TJP2: variants seen among roughly 807,000 people sequenced by gnomAD.
TJP2 encodes Friedreich ataxia region gene X104 (tight junction protein ZO-2).
In TJP2, 91 loss-of-function variants were observed where a neutral mutation model predicts 133.1. The ratio of observed to expected loss-of-function variants is 0.68; its 90% CI spans 0.58 to 0.81. TJP2 has a LOEUF of 0.81. Among genes scored for constraint, TJP2 ranks in the 40% least tolerant of loss-of-function variants. The pLI is 0.00. For missense variants in TJP2, 1,541 were observed against 1,565.6 expected (o/e 0.98, Z 0.26); for synonymous variants, 592 against 583.4 (o/e 1.01, Z -0.21).
At chr9:69,187,818 GGAAGGTGAAAGGAAGAGAAGGGA>G (rs1203169388) in intron 1 of TJP2, among the ~76,000 whole-genome samples, 6 of 152,108 alleles carry the variant, frequency 3.9e-5, no homozygotes, top group Non-Finnish European at 8.8e-5. Context: ...AGTAAATAGG[GGAAGGTGAAAGGAAGAGAAGGGA>G]GAAGGTGAGT....
upstream of TJP2, among the ~76,000 whole-genome samples, chr9:69,170,837 G>A (rs1005430994): frequency 8.5e-5 from 13 of 152,130 alleles, no homozygotes; most frequent in African/African-American, 2.7e-4. Flanking sequence ...TCCCAGAGAT[G>A]AGTCCTGTCC....
At chr9:69,241,523 G>A (rs73452905) in intron 17 of TJP2, among the ~76,000 whole-genome samples, 16,552 of 152,150 alleles carry the variant, frequency 0.11, 962 homozygotes, top group South Asian at 0.15. Flanking sequence ...TTAAAGAGAG[G>A]TGCACTACTT....
chr9:69,189,351 T>A (rs1293925641), intron 1 of TJP2, among the ~76,000 whole-genome samples: 1 of 152,194 alleles, frequency 6.6e-6, no homozygotes, highest in Non-Finnish European at 1.5e-5. Flanking sequence ...TGCTTATTTC[T>A]CTCCTCACTG....
chr9:69,234,462 A>G lies in TJP2; in HGVS notation c.1695A>G (p.Gly565=). 6.3e-7 allele frequency: 1 copy of G among 1,586,644 alleles called. No homozygotes were observed. The highest frequency in any genetic ancestry group is 8.5e-7 in the Non-Finnish European group (1 of 1,172,024). ...AGGTGAACACACAGGATTTCAGAGG[A>G]TTAGTGCGGGAGGATGCCGTTCTCT... ...ILKVNTQDFR[G]LVREDAVLYL... is the part of the protein sequence containing the mutation. The change falls in exon 12 of 23, where the codon GGA becomes GGG. Residue 565 remains glycine (G), a synonymous_variant. Transcript: ENST00000377245.
At chr9:69,185,448 T>C (rs994940469) in intron 1 of TJP2, among the ~76,000 whole-genome samples, 1 of 152,166 alleles carries the variant, frequency 6.6e-6, no homozygotes, top group African/African-American at 2.4e-5. Context: ...ACATAAGGTG[T>C]TGTTTTTCTG....
intron 1 of TJP2, among the ~76,000 whole-genome samples, chr9:69,141,667 C>G (rs1445908952): frequency 6.6e-6 from 1 of 152,212 alleles, no homozygotes; most frequent in Non-Finnish European, 1.5e-5. Context: ...TCTTGGCTCA[C>G]TGCAACCTCC....
intron 1 of TJP2, among the ~76,000 whole-genome samples, chr9:69,133,325 C>T (rs886293229): frequency 6.6e-6 from 1 of 152,160 alleles, no homozygotes; most frequent in Non-Finnish European, 1.5e-5. Flanking sequence ...ATTTCAGGGG[C>T]TGGCACAGTA....
intron 17 of TJP2, among the ~76,000 whole-genome samples, chr9:69,244,184 G>GAAA (rs35047206): frequency 6.9e-5 from 4 of 58,346 alleles, no homozygotes; most frequent in African/African-American, 1.3e-4. Context: ...CCTGTCTCAG[G>GAAA]AAAAAAAAAA....
chr9:69,249,614 T>C (rs1831187075), intron 20 of TJP2, 129 bp downstream of exon 20: 2 of 1,531,902 alleles, frequency 1.3e-6, no homozygotes, highest in Admixed American at 2.0e-5. Flanking sequence ...CTGTGTTCTC[T>C]ATTAGAGCCT....
intron 22 of TJP2, 156 bp from the exon 23 acceptor site, chr9:69,254,053 C>G: frequency 2.3e-6 from 2 of 861,212 alleles, no homozygotes; most frequent in Non-Finnish European, 3.8e-6. Context: ...GAACCTGGAG[C>G]AGGACCAGGG....
intron 1 of TJP2, among the ~76,000 whole-genome samples, chr9:69,206,902 G>A (rs1260045748): frequency 6.6e-6 from 1 of 152,130 alleles, no homozygotes; most frequent in Admixed American, 6.6e-5. Flanking sequence ...TTAAACTTAT[G>A]AAATGTTTGG....
chr9:69,144,659 A>G (rs1823139949), intron 1 of TJP2, among the ~76,000 whole-genome samples: 1 of 152,252 alleles, frequency 6.6e-6, no homozygotes, highest in African/African-American at 2.4e-5. Context: ...GGCCTCCGGC[A>G]TAGCTGGATC....
chr9:69,146,892 A>C (rs1004706309), intron 1 of TJP2, among the ~76,000 whole-genome samples: 5 of 152,190 alleles, frequency 3.3e-5, no homozygotes, highest in African/African-American at 1.2e-4. Flanking sequence ...TTTGATTTAG[A>C]TAGGTTTTCT....
chr9:69,204,543 A>G (rs1827245891), intron 1 of TJP2, among the ~76,000 whole-genome samples: 1 of 152,276 alleles, frequency 6.6e-6, no homozygotes, highest in African/African-American at 2.4e-5. Flanking sequence ...CTAAGTTTAC[A>G]AAAAGGTTAG....
upstream of TJP2, chr9:69,174,010 C>CCTGCCG (rs1249943510): frequency 2.0e-6 from 2 of 984,844 alleles, no homozygotes; most frequent in East Asian, 2.3e-4. Flanking sequence ...TTGGGCTTCT[C>CCTGCCG]CTGCCGCCGC....
In TJP2 at chr9:69,161,473, C is replaced by T. The variant is rs145910357; in HGVS notation, c.-10+9702C>T. Reference sequence around the variant, plus strand: ...CGAACTCCTGACTTCGTGATCCATCCGCTTCAGCCTCCCAAAGTGCTGGGA... The same window carrying T: ...CGAACTCCTGACTTCGTGATCCATCTGCTTCAGCCTCCCAAAGTGCTGGGA... On this transcript the variant is annotated intron_variant, in intron 2 of 5. Coordinates refer to the TJP2 transcript ENST00000423935. Among the ~76,000 whole-genome samples the T allele has an allele frequency of 1.5e-3, 226 of 152,146 alleles. 2 individuals carry two copies. In the East Asian group the frequency reaches 0.028, roughly 19 times the overall value.
chr9:69,225,374 T>G lies in TJP2; in HGVS notation c.1023T>G (p.Asp341Glu). 6.2e-7 allele frequency: 1 copy of G among 1,613,890 alleles called. No individual in the cohort carries two copies. Among genetic ancestry groups the G allele is most frequent in the Non-Finnish European group, 8.5e-7 (1 of 1,179,898 alleles). Residue 341 changes from aspartate to glutamate, a missense_variant, in exon 6 of 23, where the codon GAT (aspartate) becomes GAG (glutamate). By Grantham distance (45) the Asp-to-Glu change is conservative. Transcript: ENST00000377245. Reference protein sequence around the residue: ...EMTRTGLATKDGNLHEGDIIL... With the variant: ...EMTRTGLATKEGNLHEGDIIL... ...CCCGAACGGGTCTGGCAACTAAAGA[T>G]GGCAACCTTCACGAAGGAGACATAA...
chr9:69,237,491 C>A (rs1830274226), intron 14 of TJP2, among the ~76,000 whole-genome samples: 1 of 152,014 alleles, frequency 6.6e-6, no homozygotes, highest in Non-Finnish European at 1.5e-5. Flanking sequence ...TATAGTAAGA[C>A]CTCATCTCTG....
intron 1 of TJP2, among the ~76,000 whole-genome samples, chr9:69,132,410 A>T (rs1435400022): frequency 6.6e-6 from 1 of 152,076 alleles, no homozygotes; most frequent in Non-Finnish European, 1.5e-5. Flanking sequence ...GTGGCAGGTG[A>T]GGATGGTGGT....
Sources: gnomAD v4.1 joint callset for allele counts (sites outside exome capture counted in the v4.1 genomes callset) on GRCh38, gnomAD v4.1.1 for gene constraint, MANE v1.5 for transcripts, NCBI Gene and HGNC (gene_info 2026-07-23, HGNC 2026-07-21) for gene names.